DCAF12: variants seen among roughly 807,000 people sequenced by gnomAD.
DCAF12 encodes DDB1- and CUL4-associated factor 12.
A neutral mutation model predicts 52.8 loss-of-function variants in DCAF12; 28 were observed. The ratio of observed to expected loss-of-function variants is 0.53; its 90% CI spans 0.39 to 0.73. DCAF12 has a LOEUF of 0.73. Among genes scored for constraint, DCAF12 ranks in the 30% least tolerant of loss-of-function variants. The pLI, the probability that DCAF12 is intolerant of heterozygous loss-of-function variation, is 0.00. For missense variants in DCAF12, 425 were observed against 552.2 expected (o/e 0.77, Z 2.31); for synonymous variants, 196 against 215.5 (o/e 0.91, Z 0.79).
chr9:34,114,583 T>C (rs531604960), intron 2 of DCAF12, among the ~76,000 whole-genome samples: 1 of 152,164 alleles, frequency 6.6e-6, no homozygotes, highest in Non-Finnish European at 1.5e-5. Flanking sequence ...CAAGGATTCA[T>C]GCAGCTCCAC....
intron 4 of DCAF12, 36 bp downstream of exon 4, chr9:34,106,397 GC>G: frequency 3.2e-6 from 5 of 1,546,870 alleles, no homozygotes; most frequent in Non-Finnish European, 4.4e-6. Context: ...CCCAATCCCT[GC>G]CACATCAAAA....
At chr9:34,120,464 C>T (rs527644388) in intron 2 of DCAF12, among the ~76,000 whole-genome samples, 86 of 150,548 alleles carry the variant, frequency 5.7e-4, no homozygotes, top group African/African-American at 2.1e-3. Flanking sequence ...TGAGGTCAGG[C>T]GTTTGAGACC....
intron 2 of DCAF12, among the ~76,000 whole-genome samples, chr9:34,116,009 C>A (rs1186141332): frequency 6.6e-6 from 1 of 152,136 alleles, no homozygotes; most frequent in Non-Finnish European, 1.5e-5. Context: ...AATGAACATT[C>A]TTTTATTGAA....
chr9:34,113,885 G>A (rs1378661278), intron 2 of DCAF12, among the ~76,000 whole-genome samples: 1 of 152,100 alleles, frequency 6.6e-6, no homozygotes, highest in East Asian at 1.9e-4. Flanking sequence ...AAGGCAGGCG[G>A]ATCATGAGGT....
chr9:34,096,893 TC>T, intron 5 of DCAF12, 112 bp from the exon 6 acceptor site: 1 of 900,108 alleles, frequency 1.1e-6, no homozygotes, highest in Non-Finnish European at 1.7e-6. Context: ...TCGTGATGAT[TC>T]CAGCAGAGGT....
chr9:34,098,776 TA>T (rs200281573), intron 4 of DCAF12, among the ~76,000 whole-genome samples: 50 of 152,118 alleles, frequency 3.3e-4, no homozygotes, highest in Non-Finnish European at 5.9e-4. Context: ...TTATTATTAT[TA>T]TTTTTTTTTG....
chr9:34,104,237 C>A (rs957094867), intron 4 of DCAF12, among the ~76,000 whole-genome samples: 1 of 151,758 alleles, frequency 6.6e-6, no homozygotes, highest in African/African-American at 2.4e-5. Flanking sequence ...GCCTGGGCGA[C>A]AGAGCGAGAC....
At chr9:34,124,891 G>A in intron 2 of DCAF12, 132 bp downstream of exon 2, 1 of 1,168,766 alleles carries the variant, frequency 8.6e-7, no homozygotes, top group Non-Finnish European at 1.2e-6. Context: ...TCACCAACGG[G>A]AAAGAATGGA....
intron 2 of DCAF12, among the ~76,000 whole-genome samples, chr9:34,114,303 C>G (rs538524252): frequency 6.6e-6 from 1 of 152,232 alleles, no homozygotes; most frequent in Non-Finnish European, 1.5e-5. Context: ...TGGCTCACAC[C>G]TGTAATCCCA....
At chr9:34,088,819 T>C (rs1349336748) in intron 8 of DCAF12, among the ~76,000 whole-genome samples, 1 of 152,100 alleles carries the variant, frequency 6.6e-6, no homozygotes, top group Non-Finnish European at 1.5e-5. Context: ...ACTTGAATAA[T>C]TCACTGGAGG....
intron 6 of DCAF12, chr9:34,096,252 G>A (rs1351148841): frequency 6.5e-6 from 1 of 152,764 alleles, no homozygotes; most frequent in African/African-American, 2.4e-5. Context: ...GGTGACACAT[G>A]CCCATAGTCT....
intron 6 of DCAF12, 135 bp downstream of exon 6, chr9:34,096,581 G>T: frequency 1.3e-6 from 1 of 774,848 alleles, no homozygotes; most frequent in Non-Finnish European, 2.0e-6. Flanking sequence ...TCCAGCCTGG[G>T]CATCAGAGCG....
intron 2 of DCAF12, among the ~76,000 whole-genome samples, chr9:34,121,076 C>T (rs1157082132): frequency 6.6e-6 from 1 of 151,720 alleles, no homozygotes; most frequent in Admixed American, 6.6e-5. Context: ...ATCACTTGAA[C>T]CTGGGAGACG....
rs1177618471 is a variant in DCAF12 at position 34,086,666 on chromosome 9, C to T, written c.*1684G>A. 2 of 152,096 alleles carry T rather than the reference C, an allele frequency of 1.3e-5. No homozygotes were observed. The highest frequency in any genetic ancestry group is 4.8e-5 in the African/African-American group (2 of 41,400). 9.4% of individuals were successfully genotyped at this position (152,096 alleles called of 1,614,324 possible). On this transcript the variant is annotated 3_prime_UTR_variant, in exon 9 of 9. Transcript: ENST00000361264. Reference sequence around the variant, plus strand: ...AGCATCCAGCATTTTGCTTAATTCCCTGTTTATAGCACCTATTTCTCTAGG... The same window carrying T: ...AGCATCCAGCATTTTGCTTAATTCCTTGTTTATAGCACCTATTTCTCTAGG...
At chr9:34,102,888 C>A (rs1267398598) in intron 4 of DCAF12, among the ~76,000 whole-genome samples, 4 of 150,880 alleles carry the variant, frequency 2.7e-5, no homozygotes, top group Admixed American at 6.6e-5. Flanking sequence ...CCAGCCTGGG[C>A]AAAATGTTGA....
At chr9:34,120,688 G>A (rs10971937) in intron 2 of DCAF12, among the ~76,000 whole-genome samples, 12,598 of 122,946 alleles carry the variant, frequency 0.1, 804 homozygotes, top group Non-Finnish European at 0.15. Flanking sequence ...AAAAAAAAAA[G>A]AAAACAAAGC....
intron 5 of DCAF12, among the ~76,000 whole-genome samples, 174 bp downstream of exon 5, chr9:34,098,150 G>A (rs1828769336): frequency 6.6e-6 from 1 of 152,100 alleles, no homozygotes; most frequent in African/African-American, 2.4e-5. Context: ...TGAAGGGGTG[G>A]GTTTCAGAGC....
At chr9:34,109,520 C>T (rs1472764215) in intron 2 of DCAF12, 2 of 153,838 alleles carry the variant, frequency 1.3e-5, no homozygotes, top group Non-Finnish European at 1.5e-5. Flanking sequence ...TATCCACCTC[C>T]TCCGTGCACG....
At chr9:34,092,159 C>A (rs1298154329) in intron 7 of DCAF12, among the ~76,000 whole-genome samples, 1 of 152,126 alleles carries the variant, frequency 6.6e-6, no homozygotes, top group African/African-American at 2.4e-5. Context: ...TTTTCTTCAG[C>A]CTTATTGAGG....
Sources: gnomAD v4.1 joint callset for allele counts (sites outside exome capture counted in the v4.1 genomes callset) on GRCh38, gnomAD v4.1.1 for gene constraint, MANE v1.5 for transcripts, NCBI Gene and HGNC (gene_info 2026-07-23, HGNC 2026-07-21) for gene names.